EYS: variants seen among roughly 807,000 people sequenced by gnomAD.
The protein encoded by EYS is EGF-like photoreceptor maintenance factor.
Under a neutral mutation model 282.1 loss-of-function variants are expected in EYS, and 250 were observed. The observed-to-expected ratio is 0.89, with a 90% CI of 0.80 to 0.98. The LOEUF is 0.98. Ranked by LOEUF, EYS falls within the 50% of genes least tolerant of loss-of-function variation. EYS has a pLI of 0.00. For missense variants in EYS, 4,016 were observed against 3,709.0 expected (o/e 1.08, Z -2.15); for synonymous variants, 1,355 against 1,282.9 (o/e 1.06, Z -1.20).
intron 12 of EYS, among the ~76,000 whole-genome samples, chr6:65,279,655 T>A (rs1314126811): frequency 6.6e-6 from 1 of 152,178 alleles, no homozygotes; most frequent in Admixed American, 6.5e-5. Context: ...TATGAATGAC[T>A]AAATGAGTGA....
chr6:65,537,821 G>C (rs1768018179), intron 2 of EYS, among the ~76,000 whole-genome samples: 1 of 152,322 alleles, frequency 6.6e-6, no homozygotes, highest in East Asian at 1.9e-4. Context: ...AATAATGGAA[G>C]AATCAAAATC....
rs141901608 is a variant in EYS, at chr6:64,534,153, A to T, written c.5644+56070T>A. Among the ~76,000 whole-genome samples the T allele has an allele frequency of 4.1e-3, 630 of 151,858 alleles. 3 individuals carry two copies. Among genetic ancestry groups the T allele is most frequent in the African/African-American group, 0.014 (587 of 41,496 alleles). On this transcript the variant is annotated intron_variant, in intron 26 of 42. Transcript: ENST00000503581. Reference sequence around the variant, plus strand: ...AACCCTTAGATCTCTACATTTAGAGATCTAAATTTAGATCTCTAAATTATA... The same window carrying T: ...AACCCTTAGATCTCTACATTTAGAGTTCTAAATTTAGATCTCTAAATTATA...
chr6:64,794,312 A>G (rs1774284914), intron 22 of EYS, among the ~76,000 whole-genome samples: 1 of 152,168 alleles, frequency 6.6e-6, no homozygotes, highest in South Asian at 2.1e-4. Context: ...GTTTGGCTCT[A>G]TGTCCTCACT....
intron 12 of EYS, among the ~76,000 whole-genome samples, chr6:65,183,927 T>A (rs758846459): frequency 1.4e-4 from 21 of 151,934 alleles, no homozygotes; most frequent in Admixed American, 2.6e-4. Flanking sequence ...AAATACAGTG[T>A]GTCTATACTG....
intron 22 of EYS, among the ~76,000 whole-genome samples, chr6:64,722,923 A>G (rs544952749): frequency 1.3e-5 from 2 of 152,290 alleles, no homozygotes; most frequent in South Asian, 4.1e-4. Flanking sequence ...TTGTTATCAC[A>G]GGGACACTCT....
chr6:64,866,991 T>G (rs553387586), intron 19 of EYS, among the ~76,000 whole-genome samples: 35 of 151,952 alleles, frequency 2.3e-4, no homozygotes, highest in Admixed American at 4.6e-4. Flanking sequence ...AGAAGGTAAA[T>G]TTATTTTCTG....
intron 11 of EYS, among the ~76,000 whole-genome samples, chr6:65,301,567 C>A (rs1403546814): frequency 6.6e-6 from 1 of 152,190 alleles, no homozygotes; most frequent in Non-Finnish European, 1.5e-5. Flanking sequence ...AAGCGGGAGT[C>A]GGGGATAGTG....
chr6:64,676,716 C>A (rs1305646157), intron 22 of EYS, among the ~76,000 whole-genome samples: 1 of 152,064 alleles, frequency 6.6e-6, no homozygotes, highest in South Asian at 2.1e-4. Flanking sequence ...AGTCTAAGAT[C>A]AAGGCGTCAG....
At chr6:64,609,579 G>A (rs1268935962) in intron 24 of EYS, among the ~76,000 whole-genome samples, 1 of 149,534 alleles carries the variant, frequency 6.7e-6, no homozygotes, top group African/African-American at 2.4e-5. Context: ...TTTTATTTTA[G>A]AGAGTAGCTT....
intron 26 of EYS, among the ~76,000 whole-genome samples, chr6:64,451,577 T>G (rs1298695727): frequency 6.6e-6 from 1 of 152,094 alleles, no homozygotes; most frequent in Non-Finnish European, 1.5e-5. Flanking sequence ...TTTAGACCAA[T>G]ATCCTTGACG....
chr6:65,658,276 T>C (rs149192303), intron 1 of EYS, among the ~76,000 whole-genome samples: 31 of 151,748 alleles, frequency 2.0e-4, no homozygotes, highest in Admixed American at 1.4e-3. Context: ...TAATGTCCTA[T>C]ATAGGACCCT....
intron 1 of EYS, among the ~76,000 whole-genome samples, chr6:65,661,915 T>C (rs1350857738): frequency 1.3e-5 from 2 of 152,090 alleles, no homozygotes; most frequent in East Asian, 3.9e-4. Flanking sequence ...TCTTTCTGTG[T>C]CAGTTTTGAA....
intron 19 of EYS, among the ~76,000 whole-genome samples, chr6:64,872,705 A>G (rs1454855770): frequency 6.6e-6 from 1 of 152,046 alleles, no homozygotes; most frequent in Admixed American, 6.6e-5. Flanking sequence ...CATCAAAATT[A>G]TGATAGTGAG....
At position 65,208,387 on chromosome 6, in the gene EYS, G is replaced by T. The variant is rs187460775; in HGVS notation, c.2023+87476C>A. On this transcript the variant is annotated intron_variant, in intron 12 of 42. Transcript: ENST00000503581. ...ATTAATATAACTTCTATGGAAAATA[G>T]TGTGGGGATGTATCAAAGAACTAAA... is the stretch of plus-strand genomic sequence containing the variant. Among the ~76,000 whole-genome samples the T allele has an allele frequency of 2.6e-5, 4 of 151,924 alleles. No homozygotes were observed. In the East Asian group the frequency reaches 5.8e-4, roughly 22 times the overall value.
chr6:64,574,468 T>G (rs1009724242), intron 26 of EYS, among the ~76,000 whole-genome samples: 5 of 152,130 alleles, frequency 3.3e-5, no homozygotes, highest in African/African-American at 1.2e-4. Flanking sequence ...AAGCTGTGGT[T>G]GAATACAAGA....
chr6:64,179,986 G>A (rs977211965), intron 31 of EYS, among the ~76,000 whole-genome samples: 4 of 152,184 alleles, frequency 2.6e-5, no homozygotes, highest in South Asian at 2.1e-4. Flanking sequence ...TTAGGAAGAC[G>A]TTATCAGATC....
At position 64,591,822 on chromosome 6, in the gene EYS, G is replaced by A. The variant is rs930421180; in HGVS notation, c.4045C>T (p.Arg1349Ter). The change falls in exon 26 of 43, where the codon CGA (arginine) becomes TGA (stop). Residue 1349 changes from arginine (R) to a stop codon, truncating the protein, a stop_gained. Coordinates refer to ENST00000503581, the MANE Select transcript of EYS (RefSeq NM_001142800.2). LOFTEE classifies it high-confidence loss of function. ...LLSSADVSSS[R>*]FLNFGIRDPA... Reference sequence around the variant, plus strand: ...TCACGAATACCAAAATTCAGGAATCGAGAAGAGGAAACATCTGCGGAAGAA... The same window carrying A: ...TCACGAATACCAAAATTCAGGAATCAAGAAGAGGAAACATCTGCGGAAGAA... 29 of 1,551,162 alleles carry A rather than the reference G, an allele frequency of 1.9e-5. No homozygotes were observed. The highest frequency in any genetic ancestry group is 2.7e-5 in the African/African-American group (2 of 73,002).
intron 26 of EYS, among the ~76,000 whole-genome samples, chr6:64,493,819 G>A (rs930603273): frequency 6.6e-6 from 1 of 151,398 alleles, no homozygotes; most frequent in Non-Finnish European, 1.5e-5. Context: ...TTACACTTAA[G>A]TTTACTATTT....
intron 12 of EYS, among the ~76,000 whole-genome samples, chr6:65,103,478 G>A (rs753774844): frequency 3.3e-5 from 5 of 151,220 alleles, no homozygotes; most frequent in Admixed American, 6.6e-5. Context: ...ATTACTATCT[G>A]ATCACCAGAC....
Sources: gnomAD v4.1 joint callset for allele counts (sites outside exome capture counted in the v4.1 genomes callset) on GRCh38, gnomAD v4.1.1 for gene constraint, MANE v1.5 for transcripts, NCBI Gene and HGNC (gene_info 2026-07-23, HGNC 2026-07-21) for gene names.